The following CSGALNACT1 variants were observed in gnomAD, a reference collection of about 807,000 sequenced individuals.
CSGALNACT1 encodes chondroitin sulfate N-acetylgalactosaminyltransferase 1, also known as beta4GalNAcT-1.
A neutral mutation model predicts 51.0 loss-of-function variants in CSGALNACT1; 52 were observed. That is an observed-to-expected ratio of 1.02 (90% CI 0.82 to 1.29). The LOEUF (loss-of-function observed/expected upper bound fraction) is 1.29, where lower values mean the gene tolerates loss of function less well. Ranked by LOEUF, CSGALNACT1 falls within the 50% of genes most tolerant of loss-of-function variation. The probability of loss-of-function intolerance (pLI) is 0.00; values close to 1 mark genes in which losing one functional copy is unlikely to be tolerated. For missense variants in CSGALNACT1, 935 were observed against 679.2 expected, an observed-to-expected ratio of 1.38 and a Z score of -4.19; for synonymous variants, 341 against 254.4, an observed-to-expected ratio of 1.34 and a Z score of -3.24.
At chr8:19,452,210 C>T (rs981732380) in intron 5 of CSGALNACT1, among the ~76,000 whole-genome samples, 4 of 152,096 alleles carry the variant, frequency 2.6e-5, no homozygotes, top group African/African-American at 4.8e-5. Flanking sequence ...AGCTCGTTGG[C>T]GAGAAAACAG....
chr8:19,723,614 C>T (rs1179827390), intron 1 of CSGALNACT1, among the ~76,000 whole-genome samples: 5 of 152,212 alleles, frequency 3.3e-5, no homozygotes, highest in Non-Finnish European at 4.4e-5. Flanking sequence ...GGCACAGCAA[C>T]AGGTTTGCTT....
At chr8:19,411,076 A>G (rs1026236883) in intron 8 of CSGALNACT1, among the ~76,000 whole-genome samples, 3 of 151,986 alleles carry the variant, frequency 2.0e-5, no homozygotes, top group Admixed American at 2.0e-4. Context: ...TCCCTCTTGG[A>G]TTCTCCATGC....
chr8:19,529,037 C>T (rs2154051099), intron 3 of CSGALNACT1, among the ~76,000 whole-genome samples: 1 of 152,130 alleles, frequency 6.6e-6, no homozygotes, highest in East Asian at 1.9e-4. Flanking sequence ...ATTTTGAAGT[C>T]TCAAAATTTG....
At chr8:19,550,005 T>C (rs973058862) in intron 3 of CSGALNACT1, among the ~76,000 whole-genome samples, 2 of 152,210 alleles carry the variant, frequency 1.3e-5, no homozygotes, top group African/African-American at 4.8e-5. Context: ...AGATGTGTCC[T>C]GGAGTTGGTC....
At chr8:19,657,428 A>G (rs2058382686) in intron 1 of CSGALNACT1, among the ~76,000 whole-genome samples, 1 of 152,214 alleles carries the variant, frequency 6.6e-6, no homozygotes, top group Non-Finnish European at 1.5e-5. Context: ...TAGAATTGAC[A>G]AAAAACATCA....
chr8:19,680,698 C>T (rs2060551664), intron 1 of CSGALNACT1, among the ~76,000 whole-genome samples: 1 of 151,774 alleles, frequency 6.6e-6, no homozygotes, highest in Non-Finnish European at 1.5e-5. Flanking sequence ...CATGTGTCAC[C>T]GAATGACTGT....
intron 4 of CSGALNACT1, among the ~76,000 whole-genome samples, chr8:19,498,739 C>T (rs772848110): frequency 4.6e-5 from 7 of 152,208 alleles, no homozygotes; most frequent in Non-Finnish European, 8.8e-5. Context: ...TCTTTGACCT[C>T]CCATAACATC....
intron 3 of CSGALNACT1, among the ~76,000 whole-genome samples, chr8:19,549,656 CT>C (rs542956513): frequency 0.018 from 1,473 of 83,322 alleles, 16 homozygotes; most frequent in South Asian, 0.067. Context: ...CAATTTCCTA[CT>C]TTTTTTTTTT....
At chr8:19,443,208 G>T (rs555740364) in intron 5 of CSGALNACT1, among the ~76,000 whole-genome samples, 8 of 152,130 alleles carry the variant, frequency 5.3e-5, no homozygotes, top group African/African-American at 1.9e-4. Flanking sequence ...CTCTGCTGAC[G>T]GTTTAGTTCA....
chr8:19,553,702 G>C (rs977558553), intron 3 of CSGALNACT1, among the ~76,000 whole-genome samples: 1 of 145,256 alleles, frequency 6.9e-6, no homozygotes, highest in Non-Finnish European at 1.5e-5. Flanking sequence ...GATGATTAAG[G>C]CACAAAACCA....
At chr8:19,505,883 G>A (rs1374232690) in exon 4 of CSGALNACT1, 13 of 1,600,732 alleles carry the variant, frequency 8.1e-6, no homozygotes, top group African/African-American at 5.3e-5. Context: ...TCAAAGCCGG[G>A]GCCCCCACGG....
intron 3 of CSGALNACT1, among the ~76,000 whole-genome samples, chr8:19,563,959 G>A (rs748075069): frequency 2.0e-5 from 3 of 151,916 alleles, no homozygotes; most frequent in Non-Finnish European, 2.9e-5. Context: ...GGCTGTTTCT[G>A]AAGCTGGACG....
chr8:19,673,746 T>C (rs1410591931), intron 1 of CSGALNACT1, among the ~76,000 whole-genome samples: 1 of 152,188 alleles, frequency 6.6e-6, no homozygotes, highest in Non-Finnish European at 1.5e-5. Context: ...TACCATACAA[T>C]TTCTGCAGCG....
intron 1 of CSGALNACT1, among the ~76,000 whole-genome samples, chr8:19,735,388 C>G (rs1179654829): frequency 6.6e-6 from 1 of 152,136 alleles, no homozygotes; most frequent in African/African-American, 2.4e-5. Flanking sequence ...TGAACAAATA[C>G]ACTTTAAATA....
chr8:19,627,630 C>T lies in CSGALNACT1; in HGVS notation c.-543-25765G>A, dbSNP rs181233822. 9.7e-4 allele frequency among the ~76,000 whole-genome samples: 148 copies of T among 152,172 alleles called. 2 individuals carry two copies. Among genetic ancestry groups the T allele is most frequent in the Admixed American group, 4.1e-3 (62 of 15,268 alleles). On this transcript the variant is annotated intron_variant, in intron 1 of 9. Transcript: ENST00000332246. Reference sequence around the variant, plus strand: ...CTTGAGGCCAGGAGTTCAAGGCCAGCCTGGGCAACAAAGCGAGACCTGTCT... The same window carrying T: ...CTTGAGGCCAGGAGTTCAAGGCCAGTCTGGGCAACAAAGCGAGACCTGTCT...
At chr8:19,525,959 C>A (rs1012898894) in intron 3 of CSGALNACT1, among the ~76,000 whole-genome samples, 1 of 152,126 alleles carries the variant, frequency 6.6e-6, no homozygotes, top group Non-Finnish European at 1.5e-5. Context: ...AGGTCTAGTG[C>A]GCATTTACCA....
chr8:19,624,912 C>T (rs1337352692), intron 1 of CSGALNACT1, among the ~76,000 whole-genome samples: 8 of 152,280 alleles, frequency 5.3e-5, no homozygotes, highest in Admixed American at 3.9e-4. Flanking sequence ...CTCCTGACCT[C>T]GTGACCCGCC....
chr8:19,685,477 C>T (rs1422002686), upstream of CSGALNACT1, among the ~76,000 whole-genome samples: 1 of 152,114 alleles, frequency 6.6e-6, no homozygotes, highest in Non-Finnish European at 1.5e-5. Context: ...CAGAGGAAGA[C>T]CCTGCCCCAA....
intron 1 of CSGALNACT1, among the ~76,000 whole-genome samples, chr8:19,675,816 C>G (rs962398930): frequency 6.6e-6 from 1 of 152,064 alleles, no homozygotes; most frequent in African/African-American, 2.4e-5. Context: ...ACCTCCACCC[C>G]ACTCTGCCCA....
Sources: allele counts gnomAD v4.1 joint callset (sites outside exome capture counted in the v4.1 genomes callset), GRCh38; gene constraint gnomAD v4.1.1; transcripts MANE v1.5; gene names NCBI Gene and HGNC (gene_info 2026-07-23, HGNC 2026-07-21).